The following APBA1 variants were observed in gnomAD, a reference collection of about 807,000 sequenced individuals.
The protein encoded by APBA1 is amyloid-beta A4 precursor protein-binding family A member 1.
Under a neutral mutation model 86.6 loss-of-function variants are expected in APBA1, and 55 were observed. That is an observed-to-expected ratio of 0.64 (90% confidence interval 0.51 to 0.80). APBA1 has a LOEUF of 0.80. Ranked by LOEUF, APBA1 falls within the 30% of genes least tolerant of loss-of-function variation. The pLI is 0.00. For missense variants in APBA1, 1,090 were observed against 1,183.0 expected (o/e 0.92, Z 1.15); for synonymous variants, 511 against 493.9 (o/e 1.03, Z -0.46).
intron 1 of APBA1, among the ~76,000 whole-genome samples, chr9:69,618,558 A>C (rs374036371): frequency 6.6e-6 from 1 of 152,222 alleles, no homozygotes; most frequent in African/African-American, 2.4e-5. Flanking sequence ...AAGTAAATCA[A>C]GATGGCGGCC....
At chr9:69,654,461 A>G (rs769307976) in intron 1 of APBA1, among the ~76,000 whole-genome samples, 10 of 152,238 alleles carry the variant, frequency 6.6e-5, no homozygotes, top group Admixed American at 2.0e-4. Context: ...AGCCTTGGTG[A>G]CAGAGCAAGA....
intron 1 of APBA1, among the ~76,000 whole-genome samples, chr9:69,564,337 A>C (rs762329036): frequency 3.3e-5 from 5 of 152,266 alleles, no homozygotes; most frequent in African/African-American, 7.2e-5. Context: ...AGCAATATTT[A>C]AAAACAAAGA....
chr9:69,489,160 C>T (rs987668134), intron 2 of APBA1, among the ~76,000 whole-genome samples: 7 of 152,000 alleles, frequency 4.6e-5, no homozygotes, highest in South Asian at 4.2e-4. Flanking sequence ...CAGAAAAGCC[C>T]GCATTGCCAA....
chr9:69,434,209 G>A (rs1161243799), intron 11 of APBA1, among the ~76,000 whole-genome samples: 1 of 152,188 alleles, frequency 6.6e-6, no homozygotes, highest in African/African-American at 2.4e-5. Flanking sequence ...CAGCCAGGGT[G>A]GACAGTCCAG....
At chr9:69,570,067 T>C (rs1448101283) in intron 1 of APBA1, among the ~76,000 whole-genome samples, 1 of 152,230 alleles carries the variant, frequency 6.6e-6, no homozygotes, top group Non-Finnish European at 1.5e-5. Context: ...TTGCTTCTCC[T>C]TCTAGCAAAA....
At chr9:69,630,051 A>G (rs150583478) in intron 1 of APBA1, among the ~76,000 whole-genome samples, 10 of 116,930 alleles carry the variant, frequency 8.6e-5, no homozygotes, top group African/African-American at 2.9e-4. Context: ...AAAAAAGGTA[A>G]TATGTGCTAT....
rs115886187 is a variant in APBA1, at chr9:69,636,533, A to G, written c.-70+35620T>C. On this transcript the variant is annotated intron_variant, in intron 1 of 12. Coordinates refer to ENST00000265381, the MANE Select transcript of APBA1 (RefSeq NM_001163.4). ...ACAGATGAATGGATAAAGAAAATAC[A>G]TTCTGTAATCACAGCACTTTGGGAG... is the stretch of plus-strand genomic sequence containing the variant. 6.2e-3 allele frequency among the ~76,000 whole-genome samples: 946 copies of G among 152,032 alleles called. 7 individuals are homozygous for G. The highest frequency in any genetic ancestry group is 0.022 in the African/African-American group (893 of 41,504).
At chr9:69,456,475 T>C in intron 7 of APBA1, 43 bp from the exon 8 acceptor site, 1 of 1,528,088 alleles carries the variant, frequency 6.5e-7, no homozygotes, top group Non-Finnish European at 8.8e-7. Flanking sequence ...GCTCAGCATC[T>C]AATGACCTAA....
chr9:69,428,766 C>T lies in APBA1; in HGVS notation c.*2561G>A, dbSNP rs1834534483. ...GGCTGCTGAGGTGACCATACCTAGG[C>T]TCACTCCCTTGCCCCAGTGGTAGTG... On this transcript the variant is annotated 3_prime_UTR_variant, in exon 13 of 13. Transcript: ENST00000265381. The T allele has an allele frequency of 6.6e-6, 1 of 152,220 alleles. No homozygotes were observed. The highest frequency in any genetic ancestry group is 1.5e-5 in the Non-Finnish European group (1 of 68,042). The allele number at this position is 152,220 out of a possible 1,614,324, so 9.4% of individuals were successfully genotyped here. A position where few individuals can be genotyped will look rare whatever the true frequency, so the allele number is the denominator to read the frequency against.
rs556998073 is a variant in APBA1 at position 69,670,995 on chromosome 9, G to A, written c.-70+1158C>T. 3.9e-4 allele frequency among the ~76,000 whole-genome samples: 60 copies of A among 152,172 alleles called. 1 individual carries two copies. The South Asian group carries it at 0.012, about 31-fold the overall frequency. On this transcript the variant is annotated intron_variant, in intron 1 of 12. Coordinates refer to ENST00000265381, the MANE Select transcript of APBA1 (RefSeq NM_001163.4). ...CCAAGTGGGCACCAAACATTTCTCC[G>A]TGTGATATTTTTCTTCTTTTTAAAA...
rs1035722396 is a variant in APBA1, at chr9:69,605,028, C to G, written c.-70+67125G>C. On this transcript the variant is annotated intron_variant, in intron 1 of 12. Coordinates refer to ENST00000265381, the MANE Select transcript of APBA1 (RefSeq NM_001163.4). ...TGAGAAATTCTTAAACATGCCAATT[C>G]GGTTATGACTCACACAAAAACAATA... Among the ~76,000 whole-genome samples the G allele has an allele frequency of 3.3e-5, 5 of 152,176 alleles. No individual in the cohort carries two copies. The South Asian group carries it at 1.0e-3, about 32-fold the overall frequency.
intron 1 of APBA1, among the ~76,000 whole-genome samples, chr9:69,582,523 A>T (rs1821932562): frequency 6.6e-6 from 1 of 152,066 alleles, no homozygotes; most frequent in Non-Finnish European, 1.5e-5. Flanking sequence ...GCTCAATATT[A>T]CTTCCCATTC....
intron 1 of APBA1, among the ~76,000 whole-genome samples, chr9:69,554,559 T>C (rs1836833053): frequency 6.6e-6 from 1 of 152,126 alleles, no homozygotes; most frequent in Admixed American, 6.5e-5. Context: ...CCAGAGAAAC[T>C]CTAGAAGTTT....
intron 1 of APBA1, among the ~76,000 whole-genome samples, chr9:69,663,700 A>G (rs1823794061): frequency 6.6e-6 from 1 of 152,196 alleles, no homozygotes; most frequent in Non-Finnish European, 1.5e-5. Flanking sequence ...TGTATTTTTC[A>G]TACAAATTGT....
rs766638940 is a variant in APBA1 at position 69,452,028 on chromosome 9, T to C, written c.1968+94A>G. 8.3e-6 allele frequency: 10 copies of C among 1,206,930 alleles called. No homozygotes were observed. In the African/African-American group the frequency reaches 9.0e-5, roughly 11 times the overall value. The allele number at this position is 1,206,930 out of a possible 1,614,324, so 74.8% of individuals were successfully genotyped here. ...CCTGCCAATACGGCACTCCTCACCATTGATCTCCCTTCACTTCCGCGGCAG... is the reference window on the plus strand; with the variant it reads ...CCTGCCAATACGGCACTCCTCACCACTGATCTCCCTTCACTTCCGCGGCAG... On this transcript the variant is annotated intron_variant, in intron 9 of 12. Transcript: ENST00000265381.
At chr9:69,554,200 T>C (rs553295250) in intron 1 of APBA1, among the ~76,000 whole-genome samples, 2 of 152,370 alleles carry the variant, frequency 1.3e-5, no homozygotes, top group African/African-American at 4.8e-5. Flanking sequence ...ACATTGATTC[T>C]TCCATAGGAC....
chr9:69,456,527 A>G, intron 7 of APBA1, 95 bp from the exon 8 acceptor site: 1 of 1,334,116 alleles, frequency 7.5e-7, no homozygotes, highest in Non-Finnish European at 1.0e-6. Flanking sequence ...TATGGTTCGC[A>G]TGCAGGGTGG....
chr9:69,489,789 C>A (rs912278288), intron 2 of APBA1, among the ~76,000 whole-genome samples: 5 of 152,206 alleles, frequency 3.3e-5, no homozygotes, highest in East Asian at 3.9e-4. Context: ...CATCTCACAC[C>A]AGTTAGAATG....
intron 1 of APBA1, among the ~76,000 whole-genome samples, chr9:69,630,974 C>A (rs1034710007): frequency 6.6e-6 from 1 of 152,162 alleles, no homozygotes; most frequent in Non-Finnish European, 1.5e-5. Context: ...AACTGAATGA[C>A]CTTGAGCAAG....
Sources: allele counts gnomAD v4.1 joint callset (sites outside exome capture counted in the v4.1 genomes callset), GRCh38; gene constraint gnomAD v4.1.1; transcripts MANE v1.5; gene names NCBI Gene and HGNC (gene_info 2026-07-23, HGNC 2026-07-21).